RPS6KC1: variants seen among roughly 807,000 people sequenced by gnomAD.
The protein encoded by RPS6KC1 is ribosomal protein S6 kinase C1.
In RPS6KC1, 54 loss-of-function variants were observed where a neutral mutation model predicts 103.8. The observed-to-expected ratio is 0.52, with a 90% CI of 0.42 to 0.65. The LOEUF (loss-of-function observed/expected upper bound fraction) is 0.65, where lower values mean the gene tolerates loss of function less well. Among genes scored for constraint, RPS6KC1 ranks in the 30% least tolerant of loss-of-function variants. The pLI, the probability that RPS6KC1 is intolerant of heterozygous loss-of-function variation, is 0.00. For synonymous variants in RPS6KC1, 439 were observed against 438.7 expected (o/e 1.00, Z -0.01); for missense variants, 1,151 against 1,253.8 (o/e 0.92, Z 1.24).
chr1:213,550,479 T>C, the RPS6KC1 span, among the ~76,000 whole-genome samples: 2 of 152,110 alleles, frequency 1.3e-5, no homozygotes, highest in African/African-American at 4.8e-5. Context: ...CCCCAGTGCA[T>C]CTCGAGACTG....
At chr1:213,099,601 C>T (rs1211328743) in intron 3 of RPS6KC1, among the ~76,000 whole-genome samples, 1 of 152,192 alleles carries the variant, frequency 6.6e-6, no homozygotes, top group Non-Finnish European at 1.5e-5. Context: ...ACCCAAACCC[C>T]TATCAAGATA....
At chr1:213,709,123 T>C in the RPS6KC1 span, among the ~76,000 whole-genome samples, 4 of 152,336 alleles carry the variant, frequency 2.6e-5, no homozygotes, top group East Asian at 1.9e-4. Flanking sequence ...TTAGGAGGAA[T>C]GATACCAGCT....
At chr1:213,602,489 T>C in the RPS6KC1 span, among the ~76,000 whole-genome samples, 1 of 152,010 alleles carries the variant, frequency 6.6e-6, no homozygotes, top group Non-Finnish European at 1.5e-5. Flanking sequence ...TGCCTCGGCC[T>C]CCCAAAGTGC....
chr1:213,346,421 A>C, the RPS6KC1 span, among the ~76,000 whole-genome samples: 1 of 152,190 alleles, frequency 6.6e-6, no homozygotes, highest in African/African-American at 2.4e-5. Context: ...AGTATTAGGG[A>C]GTTAAATTTT....
the RPS6KC1 span, among the ~76,000 whole-genome samples, chr1:213,822,634 C>A: frequency 6.6e-6 from 1 of 152,182 alleles, no homozygotes; most frequent in Non-Finnish European, 1.5e-5. Flanking sequence ...GACTTCCCTG[C>A]CAAGTTTGTT....
intron 8 of RPS6KC1, among the ~76,000 whole-genome samples, chr1:213,191,063 T>A (rs2092727536): frequency 6.6e-6 from 1 of 152,210 alleles, no homozygotes. Context: ...TTTAGTATAA[T>A]TTAAAGTAAT....
chr1:213,451,700 C>T, the RPS6KC1 span, among the ~76,000 whole-genome samples: 4 of 152,220 alleles, frequency 2.6e-5, no homozygotes, highest in African/African-American at 9.6e-5. Context: ...ACTTTCCATT[C>T]CCATTAGCTT....
the RPS6KC1 span, among the ~76,000 whole-genome samples, chr1:213,431,542 T>A: frequency 1.3e-5 from 2 of 152,182 alleles, no homozygotes; most frequent in Admixed American, 6.5e-5. Flanking sequence ...TTCTTTTAGG[T>A]CTTGCTTCTT....
At chr1:213,637,802 TG>T in the RPS6KC1 span, among the ~76,000 whole-genome samples, 5 of 152,036 alleles carry the variant, frequency 3.3e-5, no homozygotes, top group Non-Finnish European at 7.4e-5. Context: ...TATCTCATTA[TG>T]GCTTTTTGTT....
chr1:213,525,846 G>T, the RPS6KC1 span, among the ~76,000 whole-genome samples: 18 of 152,146 alleles, frequency 1.2e-4, no homozygotes, highest in African/African-American at 3.9e-4. Context: ...GTTTTCTTCA[G>T]TAGAGTGGTG....
At chr1:213,772,373 C>T in the RPS6KC1 span, among the ~76,000 whole-genome samples, 1 of 152,210 alleles carries the variant, frequency 6.6e-6, no homozygotes, top group African/African-American at 2.4e-5. Flanking sequence ...GAAACATTAA[C>T]TCCCACAATG....
chr1:213,074,843 A>ATTTTTTTTTT lies in RPS6KC1; in HGVS notation c.142-2832_142-2823dup, dbSNP rs752747801. 2.4e-4 allele frequency among the ~76,000 whole-genome samples: 17 copies of ATTTTTTTTTT among 71,320 alleles called. 5 individuals carry two copies. Among genetic ancestry groups the ATTTTTTTTTT allele is most frequent in the East Asian group, 1.9e-3 (4 of 2,060 alleles). The allele number at this position is 71,320 out of a possible 152,430, so 46.8% of individuals were successfully genotyped here. ...TTTAAAAATGACTTAACTAGAATAAATTTTTTTTTTTTTTTTTTTTTTTTT... is the reference window on the plus strand; with the variant it reads ...TTTAAAAATGACTTAACTAGAATAAATTTTTTTTTTTTTTTTTTTTTTTTTTTTTTTTTTT... On this transcript the variant is annotated intron_variant, in intron 2 of 14. Transcript: ENST00000366960.
chr1:213,606,797 A>G, the RPS6KC1 span, among the ~76,000 whole-genome samples: 1 of 152,338 alleles, frequency 6.6e-6, no homozygotes, highest in Non-Finnish European at 1.5e-5. Context: ...AAGGTTTTAA[A>G]TTCTGTACTT....
chr1:213,693,744 G>A, the RPS6KC1 span, among the ~76,000 whole-genome samples: 5 of 152,218 alleles, frequency 3.3e-5, no homozygotes, highest in African/African-American at 1.2e-4. Flanking sequence ...GATGGCTACG[G>A]AAATTTAGTA....
intron 14 of RPS6KC1, among the ~76,000 whole-genome samples, chr1:213,270,748 T>A (rs1265448772): frequency 1.3e-5 from 2 of 152,232 alleles, no homozygotes; most frequent in Non-Finnish European, 2.9e-5. Flanking sequence ...TGTAATTAAG[T>A]AAGACAGACA....
chr1:213,466,163 C>A, the RPS6KC1 span, among the ~76,000 whole-genome samples: 2 of 152,152 alleles, frequency 1.3e-5, no homozygotes, highest in Non-Finnish European at 2.9e-5. Flanking sequence ...ACAATGTTCA[C>A]CAATTCTCAT....
chr1:213,246,041 AC>A (rs972606249), intron 12 of RPS6KC1, among the ~76,000 whole-genome samples: 1 of 152,112 alleles, frequency 6.6e-6, no homozygotes, highest in Non-Finnish European at 1.5e-5. Flanking sequence ...AAAGACAAAA[AC>A]CATGGAGCTT....
the RPS6KC1 span, among the ~76,000 whole-genome samples, chr1:213,784,809 C>T: frequency 6.6e-6 from 1 of 152,176 alleles, no homozygotes; most frequent in African/African-American, 2.4e-5. Flanking sequence ...TAGCTTTTTC[C>T]CATCTGCTTC....
intron 6 of RPS6KC1, among the ~76,000 whole-genome samples, chr1:213,146,646 C>T (rs1243531630): frequency 1.3e-5 from 2 of 151,700 alleles, no homozygotes; most frequent in East Asian, 1.9e-4. Flanking sequence ...AGGATGGTCT[C>T]GATCTCCTGA....
Sources: gnomAD v4.1 joint callset for allele counts (sites outside exome capture counted in the v4.1 genomes callset) on GRCh38, gnomAD v4.1.1 for gene constraint, MANE v1.5 for transcripts, NCBI Gene and HGNC (gene_info 2026-07-23, HGNC 2026-07-21) for gene names.